DNAAF6: variants seen among roughly 807,000 people sequenced by gnomAD.
The protein encoded by DNAAF6 is PIH1 domain containing 3.
Under a neutral mutation model 13.7 loss-of-function variants are expected in DNAAF6, and 3 were observed. The observed-to-expected ratio is 0.22, with a 90% confidence interval of 0.10 to 0.56. The LOEUF is 0.56. DNAAF6 is among the 20% of genes least tolerant of loss of function. The pLI is 0.92. For synonymous variants in DNAAF6, 54 were observed against 49.2 expected (o/e 1.10, Z -0.41); for missense variants, 130 against 151.0 (o/e 0.86, Z 0.73).
intron 5 of DNAAF6, among the ~76,000 whole-genome samples, chrX:107,232,824 C>T (rs954237152): frequency 1.8e-5 from 2 of 110,839 alleles, no homozygotes; most frequent in Non-Finnish European, 3.8e-5. Context: ...CTCACTGCAG[C>T]CTTGATCTCC....
chrX:107,225,587 A>G (rs1441334260), intron 5 of DNAAF6, among the ~76,000 whole-genome samples: 1 of 111,046 alleles, frequency 9.0e-6, no homozygotes, highest in Non-Finnish European at 1.9e-5. Flanking sequence ...TTAAGAAAAA[A>G]TCCTTACTTA....
chrX:107,221,159 G>A (rs1928129956), intron 4 of DNAAF6, among the ~76,000 whole-genome samples: 1 of 110,191 alleles, frequency 9.1e-6, no homozygotes, highest in South Asian at 4.0e-4. Context: ...GTTTTTTGTA[G>A]AGACGAGGTT....
At chrX:107,220,945 TTCTTTCTTTCTTTTTC>T (rs756254936) in intron 4 of DNAAF6, among the ~76,000 whole-genome samples, 4,520 of 53,869 alleles carry the variant, frequency 0.084, 153 homozygotes, top group East Asian at 0.19. Context: ...CTTTCTTTCT[TTCTTTCTTTCTTTTTC>T]TTTCTTTCTT....
At chrX:107,222,548 T>G (rs1265565223) in intron 4 of DNAAF6, among the ~76,000 whole-genome samples, 197 bp from the exon 5 acceptor site, 1 of 111,976 alleles carries the variant, frequency 8.9e-6, no homozygotes, top group African/African-American at 3.2e-5. Context: ...ATCCTGCCTT[T>G]CAGTGTTTAT....
intron 5 of DNAAF6, among the ~76,000 whole-genome samples, chrX:107,230,683 G>C (rs778877610): frequency 3.9e-4 from 44 of 111,735 alleles, no homozygotes; most frequent in African/African-American, 1.3e-3. Context: ...AAAAGAAAAA[G>C]TAAATCAGAC....
At chrX:107,239,117 A>T in intron 6 of DNAAF6, 110 bp downstream of exon 6, 5 of 1,010,511 alleles carry the variant, frequency 4.9e-6, no homozygotes, top group Non-Finnish European at 6.3e-6. Context: ...AGTCTGAAGA[A>T]AAGTGGAAAA....
chrX:107,213,095 CCTGTTCCCACCTAGCTGTGGGAACAGAG>C, intron 2 of DNAAF6, 67 bp downstream of exon 2: 1 of 1,025,164 alleles, frequency 9.8e-7, no homozygotes. Flanking sequence ...ATTTGAATAA[CCTGTTCCCACCTAGCTGTGGGAACAGAG>C]CTGTGTCATT....
intron 1 of DNAAF6, among the ~76,000 whole-genome samples, chrX:107,208,917 TC>T (rs747782487): frequency 2.3e-4 from 26 of 112,155 alleles, no homozygotes; most frequent in Non-Finnish European, 4.3e-4. Context: ...CTAGGTACTT[TC>T]AAAAAGCATC....
intron 5 of DNAAF6, among the ~76,000 whole-genome samples, chrX:107,227,172 G>T (rs1302398232): frequency 1.8e-5 from 2 of 111,171 alleles, no homozygotes; most frequent in Admixed American, 9.6e-5. Context: ...ACTCACTATA[G>T]CCTCGGCCTC....
intron 2 of DNAAF6, among the ~76,000 whole-genome samples, chrX:107,213,875 C>A: frequency 9.0e-6 from 1 of 111,507 alleles, no homozygotes; most frequent in African/African-American, 3.2e-5. Context: ...TGTTATATGA[C>A]CAATTTATCA....
chrX:107,221,200 C>T (rs1399697296), intron 4 of DNAAF6, among the ~76,000 whole-genome samples: 25 of 110,785 alleles, frequency 2.3e-4, no homozygotes, highest in Admixed American at 1.9e-3. Flanking sequence ...GTCCTGAACT[C>T]CTGGCCTCAA....
At chrX:107,220,644 C>G (rs1372862914) in intron 4 of DNAAF6, among the ~76,000 whole-genome samples, 1 of 111,854 alleles carries the variant, frequency 8.9e-6, no homozygotes, top group African/African-American at 3.2e-5. Context: ...AAAGAAGAAT[C>G]ACAAGTGGCC....
Position 107,233,634 on chromosome X carries a change from G to GT in DNAAF6, c.430-5278dup, listed in dbSNP as rs1324723736. Among the ~76,000 whole-genome samples, 542 of 106,198 alleles carry GT rather than the reference G, an allele frequency of 5.1e-3. 4 individuals carry two copies. The highest frequency in any genetic ancestry group is 0.016 in the African/African-American group (470 of 29,402). 92.2% of individuals were successfully genotyped at this position (106,198 alleles called of 115,157 possible). On this transcript the variant is annotated intron_variant, in intron 5 of 6. Transcript: ENST00000372453. ...TCACTTAGCATAATGGAGGACATGA[G>GT]TTTTTTTTTTAACTGGAAGAAAGGG...
intron 5 of DNAAF6, among the ~76,000 whole-genome samples, chrX:107,228,813 G>A (rs1415742517): frequency 1.8e-5 from 2 of 110,153 alleles, no homozygotes; most frequent in African/African-American, 6.6e-5. Context: ...TAGAGACAGG[G>A]TCTCATTATG....
At chrX:107,207,868 G>C (rs772529472) in intron 1 of DNAAF6, among the ~76,000 whole-genome samples, 111 of 111,129 alleles carry the variant, frequency 1.0e-3, no homozygotes, top group African/African-American at 3.4e-3. Context: ...GCAGCGAGCC[G>C]TGATGGCGCC....
At chrX:107,239,448 A>G (rs1047724935) in intron 6 of DNAAF6, among the ~76,000 whole-genome samples, 3 of 112,084 alleles carry the variant, frequency 2.7e-5, no homozygotes, top group African/African-American at 6.5e-5. Context: ...GCCATCAATT[A>G]CTATCTAAAT....
intron 5 of DNAAF6, among the ~76,000 whole-genome samples, chrX:107,226,019 A>G (rs1199754099): frequency 8.9e-6 from 1 of 111,928 alleles, no homozygotes; most frequent in Admixed American, 9.5e-5. Flanking sequence ...CCAGTGTAAT[A>G]AACATAAAAA....
At chrX:107,233,985 A>T (rs1168163789) in intron 5 of DNAAF6, among the ~76,000 whole-genome samples, 4 of 111,535 alleles carry the variant, frequency 3.6e-5, no homozygotes, top group Non-Finnish European at 7.5e-5. Context: ...AGTATAATGA[A>T]TTTAGTTCTG....
chrX:107,240,953 G>A (rs983709681), intron 6 of DNAAF6, among the ~76,000 whole-genome samples: 4 of 111,433 alleles, frequency 3.6e-5, no homozygotes, highest in African/African-American at 1.3e-4. Context: ...GTTTGGATTG[G>A]GAATTGACTG....
Sources: allele counts gnomAD v4.1 joint callset (sites outside exome capture counted in the v4.1 genomes callset), GRCh38; gene constraint gnomAD v4.1.1; transcripts MANE v1.5; gene names NCBI Gene and HGNC (gene_info 2026-07-23, HGNC 2026-07-21).